The following ZBTB20 variants were observed in gnomAD, a reference collection of about 807,000 sequenced individuals.
The protein encoded by ZBTB20 is zinc finger and BTB domain containing 20, also known as zinc finger and BTB domain-containing protein 20.
ZBTB20 carries 9 observed loss-of-function variants against 56.9 expected under a neutral mutation model. That is an observed-to-expected ratio of 0.16 (90% CI 0.10 to 0.28). The LOEUF is 0.28. Among genes scored for constraint, ZBTB20 ranks in the 10% least tolerant of loss-of-function variants. ZBTB20 has a pLI of 1.00. For missense variants in ZBTB20, 655 were observed against 1,003.0 expected, an observed-to-expected ratio of 0.65 and a Z score of 4.69; for synonymous variants, 417 against 420.7, an observed-to-expected ratio of 0.99 and a Z score of 0.11.
At chr3:115,003,827 G>A (rs2079355943) in intron 2 of ZBTB20, among the ~76,000 whole-genome samples, 1 of 151,442 alleles carries the variant, frequency 6.6e-6, no homozygotes, top group African/African-American at 2.4e-5. Flanking sequence ...TGAACAATCA[G>A]GTGGTTTGAA....
intron 2 of ZBTB20, among the ~76,000 whole-genome samples, chr3:115,048,319 T>C (rs1032246563): frequency 6.6e-6 from 1 of 152,228 alleles, no homozygotes; most frequent in Non-Finnish European, 1.5e-5. Context: ...CACACAAATC[T>C]ACTATTTCTA....
intron 6 of ZBTB20, among the ~76,000 whole-genome samples, chr3:114,599,040 A>C (rs529784630): frequency 1.3e-5 from 2 of 152,186 alleles, no homozygotes; most frequent in South Asian, 4.1e-4. Context: ...CTTCACCACC[A>C]CACCGTTTTT....
rs199724100 is a variant in ZBTB20 at position 114,446,230 on chromosome 3, CAATA to C, written c.-255+54118_-255+54121del. ...ATATATAGTTGTTTATTTTCATGTTCAATAAATAAGTAGTGTGGGGTTTCAGACT... is the reference window on the plus strand; with the variant it reads ...ATATATAGTTGTTTATTTTCATGTTCAATAAGTAGTGTGGGGTTTCAGACT... On this transcript the variant is annotated intron_variant, in intron 7 of 11. Transcript: ENST00000675478. Among the ~76,000 whole-genome samples, 741 of 152,208 alleles carry C rather than the reference CAATA, an allele frequency of 4.9e-3. 21 individuals carry two copies. Among genetic ancestry groups the C allele is most frequent in the Admixed American group, 0.027 (413 of 15,274 alleles).
chr3:114,850,848 G>T (rs777416777), intron 4 of ZBTB20, among the ~76,000 whole-genome samples: 30 of 152,142 alleles, frequency 2.0e-4, no homozygotes, highest in Non-Finnish European at 4.4e-5. Flanking sequence ...AGACTGTGTA[G>T]CCTCAAAATT....
chr3:114,996,040 CAAT>C (rs1372810812), intron 2 of ZBTB20, among the ~76,000 whole-genome samples: 4 of 151,656 alleles, frequency 2.6e-5, no homozygotes, highest in African/African-American at 9.7e-5. Context: ...AGAAGTTCCA[CAAT>C]AATAACATGA....
chr3:115,111,963 T>C (rs2083894017), intron 1 of ZBTB20, among the ~76,000 whole-genome samples: 1 of 152,182 alleles, frequency 6.6e-6, no homozygotes, highest in Non-Finnish European at 1.5e-5. Flanking sequence ...GTTTTACCAC[T>C]GAGTTCCTTC....
At chr3:114,582,770 G>C (rs558922659) in intron 6 of ZBTB20, among the ~76,000 whole-genome samples, 2 of 152,330 alleles carry the variant, frequency 1.3e-5, no homozygotes, top group South Asian at 4.1e-4. Context: ...GAAAGCACTA[G>C]TGTCATCTTC....
At chr3:114,617,196 T>C (rs2058000219) in intron 6 of ZBTB20, among the ~76,000 whole-genome samples, 1 of 152,226 alleles carries the variant, frequency 6.6e-6, no homozygotes, top group Admixed American at 6.5e-5. Context: ...TAAAACTTCT[T>C]TGCATGGCAA....
intron 2 of ZBTB20, among the ~76,000 whole-genome samples, chr3:114,977,003 T>C (rs959384931): frequency 6.6e-6 from 1 of 151,860 alleles, no homozygotes; most frequent in African/African-American, 2.4e-5. Flanking sequence ...TATTTCACCT[T>C]TCCTAAATTA....
chr3:114,860,910 C>T (rs563322787), intron 4 of ZBTB20, among the ~76,000 whole-genome samples: 5 of 152,322 alleles, frequency 3.3e-5, no homozygotes, highest in East Asian at 1.9e-4. Flanking sequence ...AACTGGGAAT[C>T]GCCTCATAAG....
At chr3:114,479,984 T>TC (rs2041345488) in intron 7 of ZBTB20, among the ~76,000 whole-genome samples, 1 of 152,238 alleles carries the variant, frequency 6.6e-6, no homozygotes, top group Non-Finnish European at 1.5e-5. Flanking sequence ...AATGATGTTC[T>TC]CAACCTTTGC....
intron 3 of ZBTB20, among the ~76,000 whole-genome samples, chr3:114,937,332 T>G (rs2107833501): frequency 1.3e-5 from 2 of 152,322 alleles, no homozygotes; most frequent in South Asian, 4.1e-4. Flanking sequence ...AGATGGTTTC[T>G]CACTGTGGTT....
At chr3:114,889,056 A>T (rs956491242) in intron 4 of ZBTB20, among the ~76,000 whole-genome samples, 1 of 152,056 alleles carries the variant, frequency 6.6e-6, no homozygotes, top group Admixed American at 6.5e-5. Context: ...TTAAAAATAT[A>T]TTTTTAAATA....
intron 6 of ZBTB20, among the ~76,000 whole-genome samples, chr3:114,666,024 C>T (rs1453866885): frequency 6.6e-6 from 1 of 152,036 alleles, no homozygotes; most frequent in African/African-American, 2.4e-5. Context: ...TTGTCACTAT[C>T]CTAAATGGAC....
intron 3 of ZBTB20, among the ~76,000 whole-genome samples, chr3:114,958,832 T>C (rs527782832): frequency 7.5e-5 from 11 of 147,310 alleles, no homozygotes; most frequent in Non-Finnish European, 1.2e-4. Flanking sequence ...GCCTGGCCAA[T>C]AGAGTGAGAG....
intron 7 of ZBTB20, among the ~76,000 whole-genome samples, chr3:114,402,838 T>G (rs2086942889): frequency 6.6e-6 from 1 of 152,154 alleles, no homozygotes; most frequent in Non-Finnish European, 1.5e-5. Flanking sequence ...GCAGGAGGTT[T>G]GCCTCTTCTC....
At chr3:114,451,481 T>A (rs2091603487) in intron 7 of ZBTB20, among the ~76,000 whole-genome samples, 6 of 152,162 alleles carry the variant, frequency 3.9e-5, no homozygotes, top group Admixed American at 3.9e-4. Context: ...AGGTTTCTTT[T>A]TGGCAAATAA....
chr3:115,087,254 C>T (rs1215330462), intron 1 of ZBTB20, among the ~76,000 whole-genome samples: 1 of 151,806 alleles, frequency 6.6e-6, no homozygotes, highest in Non-Finnish European at 1.5e-5. Flanking sequence ...AATGGCCTGT[C>T]TTTAAATAGG....
intron 6 of ZBTB20, among the ~76,000 whole-genome samples, chr3:114,585,405 AG>A (rs1440677465): frequency 1.3e-5 from 2 of 152,024 alleles, no homozygotes; most frequent in African/African-American, 2.4e-5. Flanking sequence ...CTATGTGTAG[AG>A]CTGGTATATA....
Sources: gnomAD v4.1 joint callset for allele counts (sites outside exome capture counted in the v4.1 genomes callset) on GRCh38, gnomAD v4.1.1 for gene constraint, MANE v1.5 for transcripts, NCBI Gene and HGNC (gene_info 2026-07-23, HGNC 2026-07-21) for gene names.